Variants in FARP1 observed in about 807,000 individuals in gnomAD.
FARP1 encodes the protein FERM, ARH/RhoGEF and pleckstrin domain protein 1, also known as FERM, ARHGEF and pleckstrin domain-containing protein 1.
FARP1 carries 52 observed loss-of-function variants against 128.8 expected under a neutral mutation model. The observed-to-expected ratio is 0.40, with a 90% CI of 0.32 to 0.51. The LOEUF is 0.51. Among genes scored for constraint, FARP1 ranks in the 20% least tolerant of loss-of-function variants. FARP1 has a pLI of 0.45. For missense variants in FARP1, 1,333 were observed against 1,367.9 expected (o/e 0.97, Z 0.40); for synonymous variants, 580 against 551.8 (o/e 1.05, Z -0.72).
At chr13:98,328,495 G>A (rs1887330637) in intron 2 of FARP1, 1 of 152,198 alleles carries the variant, frequency 6.6e-6, no homozygotes, top group Non-Finnish European at 1.5e-5. Flanking sequence ...CTTGAGGTGC[G>A]ATGGCGAAAG....
chr13:98,411,521 G>A (rs1891194652), intron 15 of FARP1, among the ~76,000 whole-genome samples: 1 of 152,192 alleles, frequency 6.6e-6, no homozygotes, highest in African/African-American at 2.4e-5. Context: ...TTTAACAAAG[G>A]AACAGAGATG....
At chr13:98,241,299 A>G (rs1331967159) in intron 2 of FARP1, among the ~76,000 whole-genome samples, 1 of 151,690 alleles carries the variant, frequency 6.6e-6, no homozygotes, top group African/African-American at 2.4e-5. Context: ...GGTGGACGGC[A>G]TGTGCTGGGG....
At chr13:98,277,582 G>A (rs780664415) in intron 2 of FARP1, among the ~76,000 whole-genome samples, 2 of 152,162 alleles carry the variant, frequency 1.3e-5, no homozygotes, top group Non-Finnish European at 2.9e-5. Flanking sequence ...GGGTGGTGGC[G>A]CTGGGAAAGG....
intron 2 of FARP1, among the ~76,000 whole-genome samples, chr13:98,318,420 C>A (rs1489143574): frequency 1.3e-5 from 2 of 152,194 alleles, no homozygotes; most frequent in African/African-American, 4.8e-5. Context: ...CCTCATTTAA[C>A]CTTAATTGCT....
At chr13:98,369,663 G>A (rs975896791) in intron 5 of FARP1, among the ~76,000 whole-genome samples, 2 of 152,068 alleles carry the variant, frequency 1.3e-5, no homozygotes, top group Non-Finnish European at 2.9e-5. Context: ...ATGATTTCCA[G>A]TTTCATCCAT....
chr13:98,271,834 T>C (rs1884405517), intron 2 of FARP1, among the ~76,000 whole-genome samples: 1 of 152,200 alleles, frequency 6.6e-6, no homozygotes, highest in South Asian at 2.1e-4. Flanking sequence ...TGTATATCAG[T>C]ATATCACTGA....
intron 1 of FARP1, among the ~76,000 whole-genome samples, chr13:98,150,399 C>T (rs1260463740): frequency 6.6e-6 from 1 of 152,182 alleles, no homozygotes; most frequent in Non-Finnish European, 1.5e-5. Context: ...ACTTGATATA[C>T]AGTAAACTGC....
intron 1 of FARP1, chr13:98,204,324 C>T (rs1720554124): frequency 6.6e-6 from 1 of 152,194 alleles, no homozygotes; most frequent in South Asian, 2.1e-4. Context: ...AACATCTTTT[C>T]ATGTGCTTGA....
At chr13:98,291,952 A>T (rs1451703952) in intron 2 of FARP1, among the ~76,000 whole-genome samples, 2 of 152,244 alleles carry the variant, frequency 1.3e-5, no homozygotes, top group Non-Finnish European at 2.9e-5. Context: ...TTGGTGGGGA[A>T]ACAATAGCTT....
chr13:98,414,877 G>C (rs74111025), intron 16 of FARP1, among the ~76,000 whole-genome samples: 8,031 of 152,210 alleles, frequency 0.053, 558 homozygotes, highest in African/African-American at 0.16. Context: ...AAGCATGATG[G>C]CTCCCATCAG....
At chr13:98,292,478 C>T (rs1405586077) in intron 2 of FARP1, among the ~76,000 whole-genome samples, 3 of 152,134 alleles carry the variant, frequency 2.0e-5, no homozygotes, top group Non-Finnish European at 4.4e-5. Context: ...ATCTCATGGC[C>T]AGGCAGTGCA....
intron 1 of FARP1, among the ~76,000 whole-genome samples, chr13:98,178,695 C>A (rs1448941262): frequency 6.6e-6 from 1 of 152,096 alleles, no homozygotes; most frequent in Non-Finnish European, 1.5e-5. Flanking sequence ...TTGTAGTGCC[C>A]CCAAAACACT....
chr13:98,315,912 TATTGTC>T (rs1438524668), intron 2 of FARP1, among the ~76,000 whole-genome samples: 4 of 152,320 alleles, frequency 2.6e-5, no homozygotes, highest in Middle Eastern at 3.4e-3. Context: ...TTCAGCGTCT[TATTGTC>T]ATTGATAATC....
chr13:98,339,305 A>G (rs1887867858), intron 2 of FARP1, among the ~76,000 whole-genome samples: 1 of 152,108 alleles, frequency 6.6e-6, no homozygotes, highest in African/African-American at 2.4e-5. Flanking sequence ...GGTGGAGCAG[A>G]AGAGAGAGAG....
At chr13:98,309,128 TATATTA>T (rs1044956987) in intron 2 of FARP1, among the ~76,000 whole-genome samples, 5 of 146,256 alleles carry the variant, frequency 3.4e-5, no homozygotes, top group African/African-American at 9.9e-5. Flanking sequence ...TTACATAAAA[TATATTA>T]ATATTAATTT....
chr13:98,238,872 A>C (rs1882601432), intron 2 of FARP1, among the ~76,000 whole-genome samples: 1 of 152,204 alleles, frequency 6.6e-6, no homozygotes, highest in Non-Finnish European at 1.5e-5. Context: ...AGTTCTACTC[A>C]GATTTTTGAC....
At chr13:98,208,584 A>G (rs1880455824) in intron 1 of FARP1, 2 of 152,836 alleles carry the variant, frequency 1.3e-5, no homozygotes. Flanking sequence ...CCTGTCTTAG[A>G]ACCCCTATGT....
intron 5 of FARP1, among the ~76,000 whole-genome samples, chr13:98,371,425 A>G (rs1344056916): frequency 6.6e-6 from 1 of 152,156 alleles, no homozygotes; most frequent in East Asian, 1.9e-4. Flanking sequence ...AAGTTACACG[A>G]GCTCAGCTGG....
At chr13:98,166,295 G>C (rs970455811) in intron 1 of FARP1, among the ~76,000 whole-genome samples, 1 of 152,142 alleles carries the variant, frequency 6.6e-6, no homozygotes, top group Non-Finnish European at 1.5e-5. Flanking sequence ...TAAAATCCTA[G>C]TAGGATCAGT....
Sources: allele counts gnomAD v4.1 joint callset (sites outside exome capture counted in the v4.1 genomes callset), GRCh38; gene constraint gnomAD v4.1.1; transcripts MANE v1.5; gene names NCBI Gene and HGNC (gene_info 2026-07-23, HGNC 2026-07-21).